The following SAMD4A variants were observed in gnomAD, a reference collection of about 807,000 sequenced individuals.
SAMD4A encodes the protein protein Smaug homolog 1.
Under a neutral mutation model 81.3 loss-of-function variants are expected in SAMD4A, and 33 were observed. The observed-to-expected ratio is 0.41, with a 90% CI of 0.31 to 0.54. The LOEUF (loss-of-function observed/expected upper bound fraction) is 0.54, where lower values mean the gene tolerates loss of function less well. Ranked by LOEUF, SAMD4A falls within the 20% of genes least tolerant of loss-of-function variation. The pLI, the probability that SAMD4A is intolerant of heterozygous loss-of-function variation, is 0.37. For synonymous variants in SAMD4A, 389 were observed against 382.1 expected (o/e 1.02, Z -0.21); for missense variants, 854 against 951.1 (o/e 0.90, Z 1.34).
intron 2 of SAMD4A, among the ~76,000 whole-genome samples, chr14:54,628,050 C>T (rs954119990): frequency 1.3e-5 from 2 of 152,074 alleles, no homozygotes; most frequent in Admixed American, 1.3e-4. Flanking sequence ...ATGGGTATTT[C>T]TGAGTCTTGG....
intron 2 of SAMD4A, among the ~76,000 whole-genome samples, chr14:54,671,781 T>C (rs537633435): frequency 6.6e-6 from 1 of 152,290 alleles, no homozygotes; most frequent in East Asian, 1.9e-4. Flanking sequence ...CCAGCAGGCA[T>C]GAAATCAAAG....
chr14:54,642,470 C>A (rs2035196728), intron 2 of SAMD4A, among the ~76,000 whole-genome samples: 1 of 152,208 alleles, frequency 6.6e-6, no homozygotes, highest in Non-Finnish European at 1.5e-5. Flanking sequence ...CCATAGAATT[C>A]TTTTGAATTC....
chr14:54,611,833 C>T (rs555052326), intron 2 of SAMD4A, among the ~76,000 whole-genome samples: 3 of 150,616 alleles, frequency 2.0e-5, no homozygotes, highest in East Asian at 2.0e-4. Flanking sequence ...GATGAGATTG[C>T]GCCACTGCAT....
At chr14:54,669,139 C>T (rs1479812059) in intron 2 of SAMD4A, among the ~76,000 whole-genome samples, 1 of 152,210 alleles carries the variant, frequency 6.6e-6, no homozygotes, top group Non-Finnish European at 1.5e-5. Context: ...GTAGCTACAG[C>T]TTGGATCATC....
chr14:54,716,498 A>T (rs2037121117), intron 3 of SAMD4A, among the ~76,000 whole-genome samples: 1 of 152,306 alleles, frequency 6.6e-6, no homozygotes, highest in East Asian at 1.9e-4. Flanking sequence ...CACAGTGGGT[A>T]TATTTCCAAA....
chr14:54,636,490 A>T (rs941417603), intron 2 of SAMD4A, among the ~76,000 whole-genome samples: 3 of 152,192 alleles, frequency 2.0e-5, no homozygotes. Context: ...CTTATACTTT[A>T]AAAAGAGAAC....
chr14:54,576,962 G>T (rs1469586024), intron 2 of SAMD4A, among the ~76,000 whole-genome samples: 1 of 152,226 alleles, frequency 6.6e-6, no homozygotes, highest in Non-Finnish European at 1.5e-5. Flanking sequence ...CTGAGGCAAG[G>T]GCTGGTGTGC....
intron 4 of SAMD4A, among the ~76,000 whole-genome samples, chr14:54,747,317 A>G (rs2037992700): frequency 6.6e-6 from 1 of 152,242 alleles, no homozygotes; most frequent in Admixed American, 6.5e-5. Flanking sequence ...ACTGCAAATC[A>G]ACAAGTAATC....
At chr14:54,725,450 GA>G (rs1276248819) in intron 3 of SAMD4A, among the ~76,000 whole-genome samples, 16 of 152,192 alleles carry the variant, frequency 1.1e-4, no homozygotes, top group Admixed American at 1.0e-3. Context: ...TGAAGATTTT[GA>G]AAGAGCAAGG....
chr14:54,595,413 GTTTA>G (rs1016438863), intron 2 of SAMD4A, among the ~76,000 whole-genome samples: 5 of 148,022 alleles, frequency 3.4e-5, no homozygotes, highest in East Asian at 1.9e-4. Context: ...GTATACATGT[GTTTA>G]TTTATATATA....
At chr14:54,749,237 A>C (rs1443569095) in intron 5 of SAMD4A, among the ~76,000 whole-genome samples, 1 of 152,206 alleles carries the variant, frequency 6.6e-6, no homozygotes, top group Non-Finnish European at 1.5e-5. Flanking sequence ...GGATTTTCCT[A>C]GGAGAAGTAA....
At chr14:54,573,265 T>TC (rs1371813025) in intron 2 of SAMD4A, among the ~76,000 whole-genome samples, 2 of 152,182 alleles carry the variant, frequency 1.3e-5, no homozygotes, top group Non-Finnish European at 2.9e-5. Flanking sequence ...CTCACGGCCT[T>TC]CAACAATTGA....
chr14:54,735,271 C>A (rs1290953992), intron 3 of SAMD4A: 2 of 151,456 alleles, frequency 1.3e-5, no homozygotes, highest in African/African-American at 4.9e-5. Flanking sequence ...TCTGGTCCAA[C>A]CAGGTAGCAA....
chr14:54,744,272 T>G (rs1019267028), intron 4 of SAMD4A, among the ~76,000 whole-genome samples: 13 of 152,196 alleles, frequency 8.5e-5, no homozygotes, highest in African/African-American at 3.1e-4. Context: ...TCCTTGTTTG[T>G]GGGTCGGGTG....
At chr14:54,727,246 G>C (rs145670968) in intron 3 of SAMD4A, among the ~76,000 whole-genome samples, 1,800 of 125,348 alleles carry the variant, frequency 0.014, 35 homozygotes, top group African/African-American at 0.052. Flanking sequence ...CTGGAGTGCA[G>C]TGGCACGATC....
At chr14:54,689,405 A>C (rs1434698409) in intron 2 of SAMD4A, among the ~76,000 whole-genome samples, 1 of 152,086 alleles carries the variant, frequency 6.6e-6, no homozygotes, top group Non-Finnish European at 1.5e-5. Context: ...CATAGTACTC[A>C]CCATGGGCCA....
At chr14:54,583,536 A>T (rs1188735897) in intron 2 of SAMD4A, among the ~76,000 whole-genome samples, 1 of 152,208 alleles carries the variant, frequency 6.6e-6, no homozygotes, top group Non-Finnish European at 1.5e-5. Flanking sequence ...CATTACCTGT[A>T]GTTGGATATG....
chr14:54,598,911 A>G (rs554837582), intron 2 of SAMD4A, among the ~76,000 whole-genome samples: 44 of 151,446 alleles, frequency 2.9e-4, no homozygotes, highest in African/African-American at 1.0e-3. Context: ...GCCTCAGTCT[A>G]CCAGGTTCAA....
At chr14:54,632,306 T>G (rs1472101066) in intron 2 of SAMD4A, among the ~76,000 whole-genome samples, 1 of 152,228 alleles carries the variant, frequency 6.6e-6, no homozygotes, top group Non-Finnish European at 1.5e-5. Flanking sequence ...CTGTTTGTTT[T>G]TCATTATTAA....
Sources: allele counts gnomAD v4.1 joint callset (sites outside exome capture counted in the v4.1 genomes callset), GRCh38; gene constraint gnomAD v4.1.1; transcripts MANE v1.5; gene names NCBI Gene and HGNC (gene_info 2026-07-23, HGNC 2026-07-21).